Variants in MYLK4 observed in about 807,000 individuals in gnomAD.
The protein encoded by MYLK4 is caMLCK like.
In MYLK4, 46 loss-of-function variants were observed where a neutral mutation model predicts 48.1. That is an observed-to-expected ratio of 0.96 (90% CI 0.75 to 1.22). The LOEUF (loss-of-function observed/expected upper bound fraction) is 1.22, where lower values mean the gene tolerates loss of function less well. MYLK4 is among the 50% of genes most tolerant of loss of function. The pLI is 0.00. For synonymous variants in MYLK4, 170 were observed against 180.8 expected (o/e 0.94, Z 0.48); for missense variants, 451 against 486.1 (o/e 0.93, Z 0.68).
At chr6:2,768,757 G>A in the MYLK4 span, 1 of 1,613,866 alleles carries the variant, frequency 6.2e-7, no homozygotes, top group Non-Finnish European at 8.5e-7. Flanking sequence ...GACATTATCT[G>A]CAACAAATGC....
At chr6:2,683,387 C>CTTTT (rs138132269) in intron 6 of MYLK4, among the ~76,000 whole-genome samples, 10 of 86,300 alleles carry the variant, frequency 1.2e-4, no homozygotes, top group East Asian at 1.1e-3. Flanking sequence ...AACTCCCCAC[C>CTTTT]TTTTTGTGTG....
intron 10 of MYLK4, among the ~76,000 whole-genome samples, chr6:2,677,684 CT>C (rs1761129833): frequency 6.6e-6 from 1 of 152,144 alleles, no homozygotes; most frequent in Non-Finnish European, 1.5e-5. Flanking sequence ...GGAAGGAGAA[CT>C]ATCTGTTTGA....
intron 6 of MYLK4, among the ~76,000 whole-genome samples, chr6:2,683,713 C>T (rs766033876): frequency 3.3e-5 from 5 of 152,146 alleles, no homozygotes; most frequent in African/African-American, 4.8e-5. Flanking sequence ...GCCACCACAC[C>T]GGCCCTCAAA....
chr6:2,674,495 T>C (rs1024833181), intron 11 of MYLK4, among the ~76,000 whole-genome samples: 2 of 152,278 alleles, frequency 1.3e-5, no homozygotes, highest in Admixed American at 1.3e-4. Context: ...TTATAATGGA[T>C]ACAATAATTT....
At chr6:2,734,506 T>C (rs1763595533) in intron 2 of MYLK4, among the ~76,000 whole-genome samples, 1 of 152,220 alleles carries the variant, frequency 6.6e-6, no homozygotes, top group East Asian at 1.9e-4. Context: ...TGGAAAGGAC[T>C]ATTATTAGAA....
At chr6:2,694,416 G>C (rs1048849035) in intron 2 of MYLK4, among the ~76,000 whole-genome samples, 2 of 146,056 alleles carry the variant, frequency 1.4e-5, no homozygotes, top group African/African-American at 5.1e-5. Flanking sequence ...AAAAAGACTG[G>C]TTCATCTTTG....
At chr6:2,753,261 C>T (rs181765038), upstream of MYLK4, among the ~76,000 whole-genome samples, 59 of 152,246 alleles carry the variant, frequency 3.9e-4, no homozygotes, top group African/African-American at 1.3e-3. Flanking sequence ...GAAGAAACAT[C>T]GTCGACAGCT....
At chr6:2,766,039 G>C in the MYLK4 span, 1 of 1,303,422 alleles carries the variant, frequency 7.7e-7, no homozygotes, top group Non-Finnish European at 9.7e-7. Context: ...GGAAGGGGTC[G>C]GGGAAGAGGC....
chr6:2,708,749 C>G (rs751902267), intron 2 of MYLK4, among the ~76,000 whole-genome samples: 1 of 152,274 alleles, frequency 6.6e-6, no homozygotes, highest in Non-Finnish European at 1.5e-5. Context: ...TTCTTCAAGG[C>G]AGAAGTCAAC....
At chr6:2,716,856 G>A (rs4959710) in intron 2 of MYLK4, among the ~76,000 whole-genome samples, 129,835 of 152,292 alleles carry the variant, frequency 0.85, 55,437 homozygotes, top group Admixed American at 0.89. Flanking sequence ...AAAGCAGTTA[G>A]GATGTGCTTG....
the MYLK4 span, among the ~76,000 whole-genome samples, chr6:2,762,800 C>G: frequency 6.6e-6 from 1 of 152,174 alleles, no homozygotes; most frequent in African/African-American, 2.4e-5. Context: ...GGCAGACCTT[C>G]CCGGAGACCG....
At position 2,705,125 on chromosome 6, in the gene MYLK4, G is replaced by A. The variant is rs145718234; in HGVS notation, c.160-12266C>T. 6.9e-3 allele frequency among the ~76,000 whole-genome samples: 1,053 copies of A among 152,292 alleles called. 4 individuals are homozygous for A. Among genetic ancestry groups the A allele is most frequent in the Non-Finnish European group, 0.012 (798 of 68,020 alleles). On this transcript the variant is annotated intron_variant, in intron 2 of 12. Transcript: ENST00000274643. ...AGCAAAAATGTCTTTATAACAGATCGCAGAAGAAAGCAAGATGCTTGTTTG... is the reference window on the plus strand; with the variant it reads ...AGCAAAAATGTCTTTATAACAGATCACAGAAGAAAGCAAGATGCTTGTTTG...
chr6:2,670,839 G>A (rs77012694), intron 12 of MYLK4, among the ~76,000 whole-genome samples: 16,536 of 152,054 alleles, frequency 0.11, 1,046 homozygotes, highest in East Asian at 0.29. Context: ...CTGCATGGCC[G>A]TGGGGGTGTC....
chr6:2,765,944 CGCGAGAGCT>C, the MYLK4 span: 1 of 1,443,138 alleles, frequency 6.9e-7, no homozygotes, highest in Non-Finnish European at 9.1e-7. Context: ...GACCGAGAGC[CGCGAGAGCT>C]ACGACGCGCC....
chr6:2,702,363 A>T (rs576331745), intron 2 of MYLK4, among the ~76,000 whole-genome samples: 2 of 152,352 alleles, frequency 1.3e-5, no homozygotes, highest in South Asian at 4.1e-4. Flanking sequence ...TAATGCAAAG[A>T]ATACAGTTAG....
At chr6:2,699,792 C>A (rs191921574) in intron 2 of MYLK4, among the ~76,000 whole-genome samples, 1 of 152,146 alleles carries the variant, frequency 6.6e-6, no homozygotes, top group South Asian at 2.1e-4. Context: ...AAAAGATCAG[C>A]GCTTGAGCCT....
intron 2 of MYLK4, among the ~76,000 whole-genome samples, chr6:2,707,684 T>C (rs1212731306): frequency 6.6e-6 from 1 of 152,160 alleles, no homozygotes; most frequent in Admixed American, 6.5e-5. Flanking sequence ...TTTTCTCCAC[T>C]AAAAGTTGTG....
intron 7 of MYLK4, among the ~76,000 whole-genome samples, chr6:2,682,261 C>T (rs560594792): frequency 1.3e-5 from 2 of 152,304 alleles, no homozygotes; most frequent in East Asian, 1.9e-4. Context: ...ACAAGACGTA[C>T]TTTATGATAC....
chr6:2,683,921 A>G (rs1761426308), intron 6 of MYLK4, among the ~76,000 whole-genome samples: 1 of 152,200 alleles, frequency 6.6e-6, no homozygotes, highest in South Asian at 2.1e-4. Flanking sequence ...TGCTAGACAC[A>G]GTAATTTCCC....
Sources: gnomAD v4.1 joint callset for allele counts (sites outside exome capture counted in the v4.1 genomes callset) on GRCh38, gnomAD v4.1.1 for gene constraint, MANE v1.5 for transcripts, NCBI Gene and HGNC (gene_info 2026-07-23, HGNC 2026-07-21) for gene names.